ZNF705A: variants seen among roughly 807,000 people sequenced by gnomAD.
The protein encoded by ZNF705A is zinc finger protein 705A.
Under a neutral mutation model 16.6 loss-of-function variants are expected in ZNF705A, and 8 were observed. That is an observed-to-expected ratio of 0.48 (90% CI 0.28 to 0.87). ZNF705A has a LOEUF of 0.87. Ranked by LOEUF, ZNF705A falls within the 40% of genes least tolerant of loss-of-function variation. ZNF705A has a pLI of 0.10. For synonymous variants in ZNF705A, 73 were observed against 117.3 expected (o/e 0.62, Z 2.44); for missense variants, 233 against 359.9 (o/e 0.65, Z 2.85).
At chr12:8,167,363 A>C (rs1183691539) in intron 1 of ZNF705A, among the ~76,000 whole-genome samples, 2 of 152,254 alleles carry the variant, frequency 1.3e-5, no homozygotes, top group Non-Finnish European at 2.9e-5. Flanking sequence ...TCAAAAATCC[A>C]ATCAAACTGA....
At chr12:8,170,011 G>T (rs1213909461), upstream of ZNF705A, among the ~76,000 whole-genome samples, 1 of 152,072 alleles carries the variant, frequency 6.6e-6, no homozygotes, top group Non-Finnish European at 1.5e-5. Flanking sequence ...CCAAAATGGA[G>T]AAACCCCGTC....
upstream of ZNF705A, among the ~76,000 whole-genome samples, chr12:8,170,196 C>CAAAAAAAAAAAAAAAAAAAAAA (rs1188328005): frequency 2.4e-5 from 3 of 126,512 alleles, 1 homozygote; most frequent in African/African-American, 1.1e-4. Flanking sequence ...CCCCCCCCCC[C>CAAAAAAAAAAAAAAAAAAAAAA]AAAAAAAAAA....
intron 1 of ZNF705A, 75 bp downstream of exon 2, chr12:8,172,712 A>C (rs1948454812): frequency 6.4e-7 from 1 of 1,571,930 alleles, no homozygotes; most frequent in African/African-American, 1.4e-5. Context: ...TCCAATTTGC[A>C]TGGGTGTTTC....
upstream of ZNF705A, among the ~76,000 whole-genome samples, chr12:8,170,185 C>A (rs1386205156): frequency 9.1e-5 from 7 of 76,882 alleles, no homozygotes. Context: ...GCGAAACTCT[C>A]CCCCCCCCCC....
chr12:8,168,835 G>T (rs887641579), upstream of ZNF705A: 1 of 152,090 alleles, frequency 6.6e-6, no homozygotes, highest in South Asian at 2.1e-4. Flanking sequence ...TTCATTTCCT[G>T]TCACAGATTT....
At chr12:8,167,222 T>C (rs757307836) in intron 1 of ZNF705A, among the ~76,000 whole-genome samples, 2 of 152,360 alleles carry the variant, frequency 1.3e-5, no homozygotes, top group South Asian at 2.1e-4. Flanking sequence ...TGACTGGGAA[T>C]GCTTTCTAGT....
chr12:8,160,381 G>C (rs760530056), intron 1 of ZNF705A, among the ~76,000 whole-genome samples: 2 of 152,138 alleles, frequency 1.3e-5, no homozygotes, highest in East Asian at 3.9e-4. Flanking sequence ...TATTTGATGG[G>C]TGTTGTGTTG....
At chr12:8,175,799 C>T (rs967739733) in intron 3 of ZNF705A, 61 bp from the exon 5 acceptor site, 4 of 1,606,550 alleles carry the variant, frequency 2.5e-6, no homozygotes, top group Non-Finnish European at 2.5e-6. Flanking sequence ...GGCCTTGGGG[C>T]TTTTCAAACA....
chr12:8,173,098 G>A (rs1040451239), intron 1 of ZNF705A, among the ~76,000 whole-genome samples: 11 of 152,236 alleles, frequency 7.2e-5, no homozygotes, highest in Non-Finnish European at 1.0e-4. Context: ...GAACATCACA[G>A]CCCAACAATG....
intron 1 of ZNF705A, among the ~76,000 whole-genome samples, chr12:8,160,733 C>G (rs752113223): frequency 6.6e-6 from 1 of 152,044 alleles, no homozygotes; most frequent in Non-Finnish European, 1.5e-5. Context: ...CTGGAGGAAT[C>G]GTCAGGGTTT....
At chr12:8,172,033 G>T (rs1012106108), upstream of ZNF705A, among the ~76,000 whole-genome samples, 8 of 152,142 alleles carry the variant, frequency 5.3e-5, no homozygotes, top group Non-Finnish European at 8.8e-5. Context: ...CGCCACACTC[G>T]ACCCTAAAAC....
At chr12:8,171,399 G>A (rs1023010752), upstream of ZNF705A, among the ~76,000 whole-genome samples, 1 of 152,030 alleles carries the variant, frequency 6.6e-6, no homozygotes, top group African/African-American at 2.4e-5. Context: ...ATCTATGTAC[G>A]AATATATACA....
At chr12:8,162,525 A>T (rs1437743094) in intron 1 of ZNF705A, among the ~76,000 whole-genome samples, 3 of 152,272 alleles carry the variant, frequency 2.0e-5, no homozygotes, top group African/African-American at 7.2e-5. Flanking sequence ...CACTAGAAGA[A>T]TCTTTCCTTC....
chr12:8,166,937 C>T (rs1204846913), intron 1 of ZNF705A, among the ~76,000 whole-genome samples: 3 of 143,580 alleles, frequency 2.1e-5, no homozygotes, highest in African/African-American at 7.4e-5. Flanking sequence ...TCATTGTCTT[C>T]TATTAGCATT....
intron 1 of ZNF705A, among the ~76,000 whole-genome samples, chr12:8,157,613 C>T (rs1948320118): frequency 6.6e-6 from 1 of 152,078 alleles, no homozygotes; most frequent in Non-Finnish European, 1.5e-5. Context: ...AATGGAAATT[C>T]CTTCTGGGTG....
chr12:8,170,196 C>CA (rs1188328005), upstream of ZNF705A, among the ~76,000 whole-genome samples: 31 of 126,522 alleles, frequency 2.5e-4, no homozygotes, highest in East Asian at 4.4e-4. Flanking sequence ...CCCCCCCCCC[C>CA]AAAAAAAAAA....
chr12:8,160,545 G>A (rs989896223), intron 1 of ZNF705A, among the ~76,000 whole-genome samples: 1 of 147,132 alleles, frequency 6.8e-6, no homozygotes, highest in Admixed American at 6.9e-5. Context: ...TGCCTCTTTG[G>A]TTAGGTATAT....
chr12:8,167,784 G>A (rs1948411909), upstream of ZNF705A, among the ~76,000 whole-genome samples: 2 of 152,202 alleles, frequency 1.3e-5, no homozygotes, highest in South Asian at 4.1e-4. Context: ...GAACTCGACT[G>A]AAGGGCATAC....
intron 1 of ZNF705A, among the ~76,000 whole-genome samples, chr12:8,159,366 C>T (rs1323077809): frequency 6.6e-6 from 1 of 152,122 alleles, no homozygotes; most frequent in Non-Finnish European, 1.5e-5. Flanking sequence ...TATAGTTCTA[C>T]TTTTAGTTCT....
Sources: gnomAD v4.1 joint callset for allele counts (sites outside exome capture counted in the v4.1 genomes callset) on GRCh38, gnomAD v4.1.1 for gene constraint, MANE v1.5 for transcripts, NCBI Gene and HGNC (gene_info 2026-07-23, HGNC 2026-07-21) for gene names.